Variants in STXBP4 observed in about 807,000 individuals in gnomAD.
The protein encoded by STXBP4 is syntaxin-binding protein 4.
In STXBP4, 55 loss-of-function variants were observed where a neutral mutation model predicts 76.1. The observed-to-expected ratio is 0.72, with a 90% CI of 0.58 to 0.91. The LOEUF (loss-of-function observed/expected upper bound fraction) is 0.91, where lower values mean the gene tolerates loss of function less well. Ranked by LOEUF, STXBP4 falls within the 40% of genes least tolerant of loss-of-function variation. STXBP4 has a pLI of 0.00. For synonymous variants in STXBP4, 201 were observed against 220.2 expected (o/e 0.91, Z 0.77); for missense variants, 618 against 636.9 (o/e 0.97, Z 0.32).
At position 55,143,467 on chromosome 17, in the gene STXBP4, A is replaced by T. The variant is rs1457889733; in HGVS notation, c.1547+2100A>T. Among the ~76,000 whole-genome samples the T allele has an allele frequency of 2.0e-5, 3 of 152,282 alleles. No homozygotes were observed. The East Asian group carries it at 5.8e-4, about 29-fold the overall frequency. ...AACTAGTGCCTTAAGAGAAAAAAAT[A>T]CTAGGGGCACAGTTACCCAAAACAG... On this transcript the variant is annotated intron_variant, in intron 17 of 17. Coordinates refer to ENST00000376352, the MANE Select transcript of STXBP4 (RefSeq NM_178509.6).
At chr17:55,076,660 A>G (rs1056947973) in intron 13 of STXBP4, among the ~76,000 whole-genome samples, 2 of 152,162 alleles carry the variant, frequency 1.3e-5, no homozygotes, top group Admixed American at 6.6e-5. Context: ...TTTGGGATTC[A>G]TTGAGCTTCC....
intron 17 of STXBP4, among the ~76,000 whole-genome samples, chr17:55,149,902 C>T (rs2080195312): frequency 6.6e-6 from 1 of 152,180 alleles, no homozygotes; most frequent in South Asian, 2.1e-4. Context: ...ACATCCAGAC[C>T]TAAATATTCA....
At chr17:54,995,148 A>G (rs1431419075) in intron 4 of STXBP4, among the ~76,000 whole-genome samples, 11 of 152,176 alleles carry the variant, frequency 7.2e-5, no homozygotes, top group Admixed American at 7.2e-4. Context: ...GGTGCCTGAC[A>G]CATACATACT....
chr17:55,109,715 C>CACTGA (rs2079689053), intron 16 of STXBP4, among the ~76,000 whole-genome samples: 1 of 151,414 alleles, frequency 6.6e-6, no homozygotes, highest in Non-Finnish European at 1.5e-5. Flanking sequence ...CTGCAACCTC[C>CACTGA]ACCTCCTGGG....
At chr17:55,046,774 T>A (rs2078795169) in intron 11 of STXBP4, among the ~76,000 whole-genome samples, 1 of 151,956 alleles carries the variant, frequency 6.6e-6, no homozygotes, top group African/African-American at 2.4e-5. Flanking sequence ...ATTTGGTATC[T>A]CTTTGGCAAT....
chr17:55,197,255 G>A, the STXBP4 span, among the ~76,000 whole-genome samples: 2 of 151,808 alleles, frequency 1.3e-5, no homozygotes, highest in Non-Finnish European at 2.9e-5. Context: ...TCTGCTTAGA[G>A]GGAACACTCC....
intron 16 of STXBP4, among the ~76,000 whole-genome samples, chr17:55,117,379 T>G (rs894115025): frequency 1.3e-5 from 2 of 151,828 alleles, no homozygotes; most frequent in Non-Finnish European, 2.9e-5. Context: ...TTTTTTTTTC[T>G]GTAGCCCATT....
intron 1 of STXBP4, among the ~76,000 whole-genome samples, chr17:54,969,971 C>T (rs1441797660): frequency 6.6e-6 from 1 of 152,078 alleles, no homozygotes; most frequent in Non-Finnish European, 1.5e-5. Context: ...TCATGAGAAG[C>T]GGTAGTAAAG....
intron 1 of STXBP4, among the ~76,000 whole-genome samples, chr17:54,984,048 T>C (rs564739572): frequency 1.9e-4 from 29 of 152,340 alleles, no homozygotes; most frequent in African/African-American, 6.7e-4. Context: ...ATCTGCATGC[T>C]TCCACTGTTC....
At chr17:55,125,284 G>A (rs541401218) in intron 16 of STXBP4, among the ~76,000 whole-genome samples, 2 of 152,070 alleles carry the variant, frequency 1.3e-5, no homozygotes, top group Non-Finnish European at 2.9e-5. Flanking sequence ...TCCTCTAATT[G>A]ACTCTATGGC....
At chr17:55,070,863 C>T (rs1459207000) in intron 12 of STXBP4, among the ~76,000 whole-genome samples, 1 of 152,086 alleles carries the variant, frequency 6.6e-6, no homozygotes, top group African/African-American at 2.4e-5. Flanking sequence ...TTTCTTCATC[C>T]ATTTATCTAA....
In STXBP4 at chr17:55,165,052, A is replaced by G. The variant is rs1029483017; in HGVS notation, c.*5141A>G. On this transcript the variant is annotated 3_prime_UTR_variant, in exon 18 of 18. Coordinates refer to ENST00000376352, the MANE Select transcript of STXBP4 (RefSeq NM_178509.6). ...TTTATTTTCTTTCTCCGCATTCTTT[A>G]TCAGATATTTGAACTACTGGACCAT... The G allele has an allele frequency of 2.6e-5, 4 of 152,226 alleles. No homozygotes were observed. Among genetic ancestry groups the G allele is most frequent in the Non-Finnish European group, 5.9e-5 (4 of 68,040 alleles). 9.4% of individuals were successfully genotyped at this position (152,226 alleles called of 1,614,324 possible).
intron 13 of STXBP4, among the ~76,000 whole-genome samples, chr17:55,077,111 C>T (rs2079192788): frequency 6.6e-6 from 1 of 152,132 alleles, no homozygotes; most frequent in South Asian, 2.1e-4. Flanking sequence ...TAAATATCTG[C>T]TGTCTTTATA....
rs2080378493 is a variant in STXBP4, at chr17:55,166,595, C to T, written c.*6684C>T. ...AGATTTCTTCTCATACATCAAGATT[C>T]TGCTCTCATTTTACCTCTTCTTTGA... On this transcript the variant is annotated 3_prime_UTR_variant, in exon 18 of 18. Transcript: ENST00000376352. 1 of 152,216 alleles carries T rather than the reference C, an allele frequency of 6.6e-6. No individual in the cohort carries two copies. Among genetic ancestry groups the T allele is most frequent in the Non-Finnish European group, 1.5e-5 (1 of 68,070 alleles). 9.4% of individuals were successfully genotyped at this position (152,216 alleles called of 1,614,324 possible).
chr17:55,211,800 T>TTTTG, the STXBP4 span, among the ~76,000 whole-genome samples: 1 of 33,264 alleles, frequency 3.0e-5, no homozygotes. Context: ...TTTTTTGTTG[T>TTTTG]TTTTTTTTTT....
chr17:55,207,830 G>A, the STXBP4 span, among the ~76,000 whole-genome samples: 3 of 152,230 alleles, frequency 2.0e-5, no homozygotes, highest in Middle Eastern at 3.4e-3. Flanking sequence ...TTTGTTGAGC[G>A]GAACAAGATC....
At chr17:55,179,621 T>C in the STXBP4 span, among the ~76,000 whole-genome samples, 24,386 of 152,134 alleles carry the variant, frequency 0.16, 2,368 homozygotes, top group Non-Finnish European at 0.23. Flanking sequence ...CAACCCCTCC[T>C]TTTCCTCCTC....
At position 54,997,715 on chromosome 17, in the gene STXBP4, C is replaced by A. The variant is rs1356445038; in HGVS notation, c.181-1630C>A. Reference sequence around the variant, plus strand: ...GCTCAAGTGATCCTCCCACTTTAGCCTCCTGAGTAACTGAGACTACAGACA... The same window carrying A: ...GCTCAAGTGATCCTCCCACTTTAGCATCCTGAGTAACTGAGACTACAGACA... On this transcript the variant is annotated intron_variant, in intron 4 of 17. Coordinates refer to ENST00000376352, the MANE Select transcript of STXBP4 (RefSeq NM_178509.6). 2.0e-5 allele frequency among the ~76,000 whole-genome samples: 3 copies of A among 148,828 alleles called. No homozygotes were observed. In the East Asian group the frequency reaches 5.8e-4, roughly 29 times the overall value.
chr17:54,999,033 C>A (rs1043690783), intron 4 of STXBP4, among the ~76,000 whole-genome samples: 1 of 151,982 alleles, frequency 6.6e-6, no homozygotes, highest in African/African-American at 2.4e-5. Context: ...GCTTTATCAG[C>A]CCCATAGTGC....
Sources: allele counts gnomAD v4.1 joint callset (sites outside exome capture counted in the v4.1 genomes callset), GRCh38; gene constraint gnomAD v4.1.1; transcripts MANE v1.5; gene names NCBI Gene and HGNC (gene_info 2026-07-23, HGNC 2026-07-21).